KIF26B: variants seen among roughly 807,000 people sequenced by gnomAD.
The protein encoded by KIF26B is kinesin family member 26B.
Under a neutral mutation model 151.2 loss-of-function variants are expected in KIF26B, and 63 were observed. The observed-to-expected ratio is 0.42, with a 90% CI of 0.34 to 0.51. The LOEUF is 0.51. Among genes scored for constraint, KIF26B ranks in the 20% least tolerant of loss-of-function variants. The pLI, the probability that KIF26B is intolerant of heterozygous loss-of-function variation, is 0.07. For missense variants in KIF26B, 2,813 were observed against 2,913.6 expected (o/e 0.97, Z 0.79); for synonymous variants, 1,357 against 1,262.1 (o/e 1.08, Z -1.59).
At chr1:245,293,671 C>T (rs548080637) in intron 2 of KIF26B, among the ~76,000 whole-genome samples, 25 of 151,742 alleles carry the variant, frequency 1.6e-4, no homozygotes, top group African/African-American at 4.4e-4. Flanking sequence ...TTCCACCTCC[C>T]GGGTTCAAGC....
intron 4 of KIF26B, among the ~76,000 whole-genome samples, chr1:245,447,805 T>C (rs561982269): frequency 1.3e-5 from 2 of 152,318 alleles, no homozygotes; most frequent in African/African-American, 4.8e-5. Context: ...AACTACCCCT[T>C]AATCTACATG....
At chr1:245,184,073 C>CTTTT (rs1668960664) in intron 2 of KIF26B, among the ~76,000 whole-genome samples, 81 of 14,596 alleles carry the variant, frequency 5.5e-3, no homozygotes, top group Middle Eastern at 0.033. Flanking sequence ...TTTTTTTGAG[C>CTTTT]TTTCTTAAGT....
At chr1:245,573,692 A>G (rs892738112) in intron 5 of KIF26B, among the ~76,000 whole-genome samples, 4 of 150,520 alleles carry the variant, frequency 2.7e-5, no homozygotes, top group African/African-American at 9.8e-5. Context: ...AGGAAAAAAA[A>G]AGAACAATTT....
chr1:245,698,351 C>T lies in KIF26B; in HGVS notation c.6027+43C>T, dbSNP rs532732523. On this transcript the variant is annotated intron_variant, in intron 13 of 14. Coordinates refer to ENST00000407071, the MANE Select transcript of KIF26B (RefSeq NM_018012.4). This position sits in a 1 kb window ranked among gnomAD's most constrained non-coding sequence, Gnocchi z 4.0. ...CCACCCCCTGCCTACGTGGTGGCAGCTCCCCACCAAGCCTGAGCAGGTGCT... is the reference window on the plus strand; with the variant it reads ...CCACCCCCTGCCTACGTGGTGGCAGTTCCCCACCAAGCCTGAGCAGGTGCT... 3.2e-6 allele frequency: 5 copies of T among 1,549,770 alleles called. No homozygotes were observed. In the South Asian group the frequency reaches 4.5e-5, roughly 14 times the overall value.
In KIF26B at chr1:245,688,384, C is replaced by A; in HGVS notation, c.5401C>A (p.Leu1801Met). The A allele has an allele frequency of 6.6e-7, 1 of 1,524,254 alleles. No homozygotes were observed. Among genetic ancestry groups the A allele is most frequent in the East Asian group, 2.6e-5 (1 of 38,752 alleles). The allele number at this position is 1,524,254 out of a possible 1,614,324, so 94.4% of individuals were successfully genotyped here. ...RSSGLASKLP[L>M]RAVSGRISEL... ...CTCGGGCCTGGCCTCCAAGCTTCCCCTGCGGGCCGTCAGCGGGCGCATCTC... is the reference window on the plus strand; with the variant it reads ...CTCGGGCCTGGCCTCCAAGCTTCCCATGCGGGCCGTCAGCGGGCGCATCTC... Residue 1801 changes from leucine (L) to methionine (M), a missense_variant, in exon 12 of 15, where the codon CTG becomes ATG. Leu to Met is a conservative substitution (Grantham distance 15). Around this residue, in one of 3 missense-constraint regions of KIF26B, gnomAD observed 2,060 missense variants for 2,088.6 expected, o/e 0.99. Transcript: ENST00000407071.
chr1:245,702,054 A>ATG lies in KIF26B; in HGVS notation c.6179-402_6179-401dup, dbSNP rs1481715142. ...TTCATATAAGGAAGCAGAGGTATAA[A>ATG]TGTCACTCAACTGAGACCCCCAAAA... is the stretch of plus-strand genomic sequence containing the variant. On this transcript the variant is annotated intron_variant, in intron 14 of 14. Coordinates refer to ENST00000407071, the MANE Select transcript of KIF26B (RefSeq NM_018012.4). The surrounding 1 kb of genome is among the most constrained non-coding windows in gnomAD (Gnocchi z 4.1). 6.6e-6 allele frequency among the ~76,000 whole-genome samples: 1 copy of ATG among 152,236 alleles called. No homozygotes were observed. The highest frequency in any genetic ancestry group is 1.9e-4 in the East Asian group (1 of 5,188).
rs561438185 is a variant in KIF26B at position 245,601,692 on chromosome 1, G to A, written c.1351-885G>A. Among the ~76,000 whole-genome samples the A allele has an allele frequency of 5.9e-5, 9 of 152,254 alleles. No homozygotes were observed. Among genetic ancestry groups the A allele is most frequent in the African/African-American group, 1.7e-4 (7 of 41,560 alleles). On this transcript the variant is annotated intron_variant, in intron 5 of 14. Coordinates refer to ENST00000407071, the MANE Select transcript of KIF26B (RefSeq NM_018012.4). This position sits in a 1 kb window ranked among gnomAD's most constrained non-coding sequence, Gnocchi z 4.4. Reference sequence around the variant, plus strand: ...TCAAAAAAAGTGCCCATCATTTGTTGGACTGAACTCACAACACAGTAACAA... The same window carrying A: ...TCAAAAAAAGTGCCCATCATTTGTTAGACTGAACTCACAACACAGTAACAA...
chr1:245,426,787 C>T (rs555445611), intron 4 of KIF26B, among the ~76,000 whole-genome samples: 11 of 152,340 alleles, frequency 7.2e-5, no homozygotes, highest in South Asian at 4.1e-4. Flanking sequence ...GCCTGCTCTT[C>T]GTGCTGTGTA....
intron 5 of KIF26B, among the ~76,000 whole-genome samples, chr1:245,561,618 CATTT>C (rs909821490): frequency 2.0e-4 from 30 of 152,200 alleles, no homozygotes; most frequent in African/African-American, 7.2e-4. Flanking sequence ...TGTATCAACT[CATTT>C]ATGTACATCA....
intron 4 of KIF26B, among the ~76,000 whole-genome samples, chr1:245,477,730 A>G (rs1327639512): frequency 6.6e-6 from 1 of 151,796 alleles, no homozygotes; most frequent in African/African-American, 2.4e-5. Context: ...AGGAACAGCA[A>G]GGAGTCCAGG....
intron 10 of KIF26B, among the ~76,000 whole-genome samples, chr1:245,662,294 TCA>T (rs1264171660): frequency 2.2e-5 from 3 of 134,156 alleles, no homozygotes; most frequent in Non-Finnish European, 4.8e-5. Context: ...ATATATATAC[TCA>T]CACACACCCT....
chr1:245,379,824 A>G (rs997153163), intron 3 of KIF26B, among the ~76,000 whole-genome samples: 7 of 152,262 alleles, frequency 4.6e-5, no homozygotes, highest in African/African-American at 1.7e-4. Context: ...CACAAAAATT[A>G]GCCAGGCATG....
At chr1:245,577,284 T>C (rs1487693810) in intron 5 of KIF26B, among the ~76,000 whole-genome samples, 1 of 152,150 alleles carries the variant, frequency 6.6e-6, no homozygotes, top group East Asian at 1.9e-4. Flanking sequence ...TGGATGCCAG[T>C]AGCACCCTCC....
chr1:245,602,003 C>T lies in KIF26B; in HGVS notation c.1351-574C>T, dbSNP rs1226181545. Among the ~76,000 whole-genome samples the T allele has an allele frequency of 6.6e-6, 1 of 152,188 alleles. No homozygotes were observed. Among genetic ancestry groups the T allele is most frequent in the Non-Finnish European group, 1.5e-5 (1 of 68,044 alleles). On this transcript the variant is annotated intron_variant, in intron 5 of 14. Coordinates refer to ENST00000407071, the MANE Select transcript of KIF26B (RefSeq NM_018012.4). This position sits in a 1 kb window ranked among gnomAD's most constrained non-coding sequence, Gnocchi z 4.5. The stretch of plus-strand genomic sequence containing the variant: ...CTTCTCTGCACTCGCTTAATGGGAT[C>T]CCAAATAACACGTCGCAGACCAGTC...
At position 245,197,017 on chromosome 1, in the gene KIF26B, C is replaced by T. The variant is rs537354111; in HGVS notation, c.465+40334C>T. On this transcript the variant is annotated intron_variant, in intron 2 of 14. Transcript: ENST00000407071. Reference sequence around the variant, plus strand: ...ATCCTACTCCTCATTGATTCTGTTCCGCATTTGGAGATGTTGGCAAGTGCG... The same window carrying T: ...ATCCTACTCCTCATTGATTCTGTTCTGCATTTGGAGATGTTGGCAAGTGCG... Among the ~76,000 whole-genome samples, 7 of 152,258 alleles carry T rather than the reference C, an allele frequency of 4.6e-5. No individual in the cohort carries two copies. The South Asian group carries it at 1.2e-3, about 27-fold the overall frequency.
intron 2 of KIF26B, among the ~76,000 whole-genome samples, chr1:245,164,610 C>T (rs1440941110): frequency 1.3e-5 from 2 of 152,148 alleles, no homozygotes; most frequent in Non-Finnish European, 2.9e-5. Context: ...GAACTGAAGT[C>T]GCACATGGTC....
intron 10 of KIF26B, among the ~76,000 whole-genome samples, chr1:245,677,868 T>C (rs1334302978): frequency 6.6e-6 from 1 of 152,238 alleles, no homozygotes; most frequent in Non-Finnish European, 1.5e-5. Context: ...AGACACTTAC[T>C]TGAGACCTAG....
chr1:245,698,867 C>T lies in KIF26B; in HGVS notation c.6028-20C>T, dbSNP rs1558280129. On this transcript the variant is annotated intron_variant, in intron 13 of 14. Transcript: ENST00000407071. The surrounding 1 kb of genome is among the most constrained non-coding windows in gnomAD (Gnocchi z 4.0). Reference sequence around the variant, plus strand: ...GGGTGTGAGCAGAAGGGCCCTTTCTCCTCTCTGTCTGTGTGCTAGGAGGCC... The same window carrying T: ...GGGTGTGAGCAGAAGGGCCCTTTCTTCTCTCTGTCTGTGTGCTAGGAGGCC... 1.2e-6 allele frequency: 2 copies of T among 1,609,260 alleles called. No homozygotes were observed. The highest frequency in any genetic ancestry group is 2.2e-5 in the South Asian group (2 of 90,526).
In KIF26B at chr1:245,227,473, C is replaced by T. The variant is rs1302048514; in HGVS notation, c.465+70790C>T. ...TTGGCCTCTCTTGTTTCTTCCCACC[C>T]CTGTCACACCGCCCTTGACCATGGT... On this transcript the variant is annotated intron_variant, in intron 2 of 14. Transcript: ENST00000407071. The surrounding 1 kb of genome is among the most constrained non-coding windows in gnomAD (Gnocchi z 4.1). Among the ~76,000 whole-genome samples, 2 of 152,200 alleles carry T rather than the reference C, an allele frequency of 1.3e-5. No individual in the cohort carries two copies. Among genetic ancestry groups the T allele is most frequent in the South Asian group, 4.1e-4 (2 of 4,830 alleles).
Sources: allele counts gnomAD v4.1 joint callset (sites outside exome capture counted in the v4.1 genomes callset), GRCh38; gene constraint gnomAD v4.1.1; regional missense constraint gnomAD v4.1.1; non-coding constraint Gnocchi (gnomAD v3.1); transcripts MANE v1.5; gene names NCBI Gene and HGNC (gene_info 2026-07-23, HGNC 2026-07-21).